Variants in PLEKHM2 observed in about 807,000 individuals in gnomAD.
PLEKHM2 encodes the protein pleckstrin homology domain-containing family M member 2.
PLEKHM2 carries 77 observed loss-of-function variants against 116.3 expected under a neutral mutation model. That is an observed-to-expected ratio of 0.66 (90% CI 0.55 to 0.80). The LOEUF is 0.80. Among genes scored for constraint, PLEKHM2 ranks in the 30% least tolerant of loss-of-function variants. The probability of loss-of-function intolerance (pLI) is 0.00; values close to 1 mark genes in which losing one functional copy is unlikely to be tolerated. For missense variants in PLEKHM2, 1,183 were observed against 1,354.9 expected, an observed-to-expected ratio of 0.87 and a Z score of 1.99; for synonymous variants, 562 against 571.0, an observed-to-expected ratio of 0.98 and a Z score of 0.22.
intron 1 of PLEKHM2, among the ~76,000 whole-genome samples, chr1:15,706,911 T>C (rs10927832): frequency 0.16 from 24,431 of 152,180 alleles, 3,668 homozygotes; most frequent in African/African-American, 0.4. Flanking sequence ...GCTTGAGCCT[T>C]CCCTTCTGGC....
At chr1:15,726,956 T>G in intron 8 of PLEKHM2, 58 bp from the exon 9 acceptor site, 1 of 1,173,530 alleles carries the variant, frequency 8.5e-7, no homozygotes, top group Non-Finnish European at 1.1e-6. Flanking sequence ...CCCAGCCTGG[T>G]TTTCCTCAGC....
chr1:15,725,587 T>C, intron 8 of PLEKHM2, 42 bp downstream of exon 8: 7 of 1,360,436 alleles, frequency 5.1e-6, no homozygotes, highest in Non-Finnish European at 7.2e-6. Context: ...GGTCCTGGGG[T>C]CCAACCTGTC....
At chr1:15,682,765 G>C (rs890951584), upstream of PLEKHM2, 8 of 152,274 alleles carry the variant, frequency 5.3e-5, no homozygotes, top group African/African-American at 1.9e-4. Context: ...CAGTATTTCA[G>C]ATGCTAAGGG....
At chr1:15,696,090 A>C (rs1640990038) in intron 1 of PLEKHM2, among the ~76,000 whole-genome samples, 1 of 151,712 alleles carries the variant, frequency 6.6e-6, no homozygotes, top group Non-Finnish European at 1.5e-5. Context: ...CTGGGATTAC[A>C]GGCATGAGCC....
At chr1:15,715,253 T>C (rs926084182) in intron 1 of PLEKHM2, among the ~76,000 whole-genome samples, 10 of 152,172 alleles carry the variant, frequency 6.6e-5, no homozygotes, top group Admixed American at 5.2e-4. Flanking sequence ...CACTGTGATA[T>C]GAAGGAGGAT....
intron 19 of PLEKHM2, 79 bp from the exon 20 acceptor site, chr1:15,733,718 C>A (rs748939637): frequency 6.0e-6 from 9 of 1,492,774 alleles, no homozygotes; most frequent in Non-Finnish European, 8.2e-6. Context: ...AAGGCAGAGG[C>A]AGGCCTGGTG....
chr1:15,715,803 G>A (rs34782606), intron 1 of PLEKHM2, among the ~76,000 whole-genome samples: 33,622 of 152,164 alleles, frequency 0.22, 4,240 homozygotes, highest in African/African-American at 0.33. Context: ...TTAAAGGTCT[G>A]TTGACAATGG....
chr1:15,730,286 C>G (rs898407161), intron 14 of PLEKHM2, among the ~76,000 whole-genome samples: 1 of 152,196 alleles, frequency 6.6e-6, no homozygotes, highest in Non-Finnish European at 1.5e-5. Context: ...ACTAAAAATA[C>G]AAAAATTCAG....
In PLEKHM2 at chr1:15,718,108, A is replaced by C. The variant is rs570664661; in HGVS notation, c.377+116A>C. On this transcript the variant is annotated intron_variant, in intron 4 of 19. Transcript: ENST00000375799. ...GCCACATCAGTGATGCCAGAGAGCC[A>C]TTAGAACCTTGCCAGTAGCTGGGTA... 7.1e-6 allele frequency: 5 copies of C among 705,940 alleles called. No individual in the cohort carries two copies. The East Asian group carries it at 1.4e-4, about 19-fold the overall frequency. The allele number at this position is 705,940 out of a possible 1,614,324, so 43.7% of individuals were successfully genotyped here.
At position 15,716,764 on chromosome 1, in the gene PLEKHM2, G is replaced by A. The variant is rs1387006474; in HGVS notation, c.225G>A (p.Glu75=). 1.3e-6 allele frequency: 2 copies of A among 1,579,486 alleles called. No homozygotes were observed. Among genetic ancestry groups the A allele is most frequent in the Admixed American group, 1.8e-5 (1 of 54,546 alleles). ...WVLVVHFTRR[E]AIKQIEVLQH... ...TCGTGGTGCATTTTACTCGGAGAGA[G>A]GCCATCAAGCAGATCGAGGTGCTGC... Residue 75 remains glutamate, a synonymous_variant, in exon 3 of 20, where the codon GAG becomes GAA. Transcript: ENST00000375799.
Position 15,687,046 on chromosome 1 carries a change from C to T in PLEKHM2, c.60+2428C>T, listed in dbSNP as rs946741338. On this transcript the variant is annotated intron_variant, in intron 1 of 19. Transcript: ENST00000375799. ...CAAGTGATCTGCCTGCCTTGGCCCC[C>T]CGAAGTGCTGGGATTACAGGCATGA... Among the ~76,000 whole-genome samples the T allele has an allele frequency of 4.6e-5, 7 of 152,224 alleles. No individual in the cohort carries two copies. In the East Asian group the frequency reaches 1.4e-3, roughly 30 times the overall value.
In PLEKHM2 at chr1:15,725,339, C is replaced by T. The variant is rs1437278679; in HGVS notation, c.735C>T (p.Val245=). The T allele has an allele frequency of 1.9e-6, 3 of 1,551,022 alleles. No individual in the cohort carries two copies. The highest frequency in any genetic ancestry group is 2.7e-5 in the African/African-American group (2 of 73,050). ...DWEDGDLTDT[V]SGPRSTASDL... ...CAGATGGAGACCTCACAGACACGGT[C>T]AGTGGTCCCCGCTCCACAGCCTCCG... The change falls in exon 8 of 20, where the codon GTC becomes GTT. Residue 245 remains valine, a synonymous_variant. Transcript: ENST00000375799.
chr1:15,689,134 G>A (rs1640836299), intron 1 of PLEKHM2, among the ~76,000 whole-genome samples: 1 of 151,844 alleles, frequency 6.6e-6, no homozygotes, highest in East Asian at 1.9e-4. Flanking sequence ...TGTAATCCCA[G>A]CTACTCGGGA....
At chr1:15,716,630 C>A in intron 2 of PLEKHM2, 77 bp from the exon 3 acceptor site, 1 of 1,457,300 alleles carries the variant, frequency 6.9e-7, no homozygotes, top group Non-Finnish European at 9.4e-7. Flanking sequence ...GCCTTGCGCT[C>A]ACTGCTGGAC....
chr1:15,724,170 A>G (rs2068030575), intron 7 of PLEKHM2, among the ~76,000 whole-genome samples: 1 of 152,172 alleles, frequency 6.6e-6, no homozygotes, highest in African/African-American at 2.4e-5. Flanking sequence ...AGGACCAGTC[A>G]GTGAGCTGAC....
In PLEKHM2 at chr1:15,732,357, C is replaced by T. The variant is rs2148381212; in HGVS notation, c.2633C>T (p.Pro878Leu). The change falls in exon 18 of 20, where the codon CCC becomes CTC. Residue 878 changes from proline to leucine, a missense_variant. By Grantham distance (98) the Pro-to-Leu change is moderately conservative. Transcript: ENST00000375799. ...CCCCTGCCCCGCTGCCAGGTCATCC[C>T]CCAGGGCGTAGCTCCCAGCCCCTGC... ...LCQAVSKGVI[P>L]QGVAPSPCIP... 2 of 1,552,598 alleles carry T rather than the reference C, an allele frequency of 1.3e-6. No homozygotes were observed. Among genetic ancestry groups the T allele is most frequent in the East Asian group, 4.9e-5 (2 of 41,178 alleles).
In PLEKHM2 at chr1:15,684,608, C is replaced by G; in HGVS notation, c.50C>G (p.Ser17Trp). Residue 17 changes from serine (S) to tryptophan (W), a missense_variant, in exon 1 of 20, where the codon TCG (serine) becomes TGG (tryptophan). By Grantham distance (177) the Ser-to-Trp change is radical. Around this residue, in one of 3 missense-constraint regions of PLEKHM2, gnomAD observed 217 missense variants for 277.6 expected, o/e 0.78. Coordinates refer to ENST00000375799, the MANE Select transcript of PLEKHM2 (RefSeq NM_015164.4). ...KDRILENISLSVKKLQSYFAA... is the reference protein window; with the variant it reads ...KDRILENISLWVKKLQSYFAA... ...CGGATCCTGGAGAACATCTCGCTGT[C>G]GGTGAAGAAGGTGAGCGCGGCCTCC... 3 of 1,311,522 alleles carry G rather than the reference C, an allele frequency of 2.3e-6. No individual in the cohort carries two copies. Among genetic ancestry groups the G allele is most frequent in the Non-Finnish European group, 2.9e-6 (3 of 1,017,982 alleles). 81.2% of individuals were successfully genotyped at this position (1,311,522 alleles called of 1,614,324 possible). A position where few individuals can be genotyped will look rare whatever the true frequency, so the allele number is the denominator to read the frequency against.
chr1:15,718,207 C>T (rs1641484567), intron 4 of PLEKHM2, among the ~76,000 whole-genome samples: 1 of 152,260 alleles, frequency 6.6e-6, no homozygotes, highest in Non-Finnish European at 1.5e-5. Context: ...CCCTGGTCCT[C>T]CTCCCAGGCT....
Position 15,732,340 on chromosome 1 carries a change from C to G in PLEKHM2, c.2626-10C>G, listed in dbSNP as rs1186234870. 10 of 1,548,434 alleles carry G rather than the reference C, an allele frequency of 6.5e-6. No homozygotes were observed. The East Asian group carries it at 1.7e-4, about 26-fold the overall frequency. On this transcript the variant is annotated splice_polypyrimidine_tract_variant and intron_variant, in intron 17 of 19. Coordinates refer to ENST00000375799, the MANE Select transcript of PLEKHM2 (RefSeq NM_015164.4). The stretch of plus-strand genomic sequence containing the variant: ...GGCCCCAGCCTGCCTCTCCCCTGCC[C>G]CGCTGCCAGGTCATCCCCCAGGGCG...
Sources: allele counts gnomAD v4.1 joint callset (sites outside exome capture counted in the v4.1 genomes callset), GRCh38; gene constraint gnomAD v4.1.1; regional missense constraint gnomAD v4.1.1; transcripts MANE v1.5; gene names NCBI Gene and HGNC (gene_info 2026-07-23, HGNC 2026-07-21).